Variants in CDKAL1 observed in about 807,000 individuals in gnomAD.
CDKAL1 encodes the protein threonylcarbamoyladenosine tRNA methylthiotransferase.
A neutral mutation model predicts 68.2 loss-of-function variants in CDKAL1; 32 were observed. The ratio of observed to expected loss-of-function variants is 0.47; its 90% confidence interval spans 0.35 to 0.63. The LOEUF is 0.63. CDKAL1 is among the 30% of genes least tolerant of loss of function. The pLI is 0.00. For missense variants in CDKAL1, 606 were observed against 696.7 expected (o/e 0.87, Z 1.47); for synonymous variants, 234 against 244.3 (o/e 0.96, Z 0.39).
intron 13 of CDKAL1, among the ~76,000 whole-genome samples, chr6:21,150,458 T>C (rs1776362618): frequency 6.6e-6 from 1 of 152,180 alleles, no homozygotes; most frequent in Admixed American, 6.5e-5. Flanking sequence ...TGAAGTTTGT[T>C]GTAATGAAAT....
At chr6:20,636,191 G>C (rs896752811) in intron 4 of CDKAL1, among the ~76,000 whole-genome samples, 3 of 152,136 alleles carry the variant, frequency 2.0e-5, no homozygotes, top group African/African-American at 7.2e-5. Flanking sequence ...TCCTGCTTCT[G>C]CTATTTTTCA....
chr6:20,594,997 C>T (rs1765757974), intron 4 of CDKAL1, among the ~76,000 whole-genome samples: 1 of 152,160 alleles, frequency 6.6e-6, no homozygotes, highest in Non-Finnish European at 1.5e-5. Context: ...TGAATATTGG[C>T]CGCCACTCTC....
At chr6:20,873,800 A>G (rs2150547452) in intron 9 of CDKAL1, among the ~76,000 whole-genome samples, 1 of 152,264 alleles carries the variant, frequency 6.6e-6, no homozygotes, top group African/African-American at 2.4e-5. Flanking sequence ...ATATTCTTTG[A>G]GCCTTAAGAA....
At chr6:20,790,618 C>T (rs1775859422) in intron 8 of CDKAL1, among the ~76,000 whole-genome samples, 1 of 152,212 alleles carries the variant, frequency 6.6e-6, no homozygotes, top group South Asian at 2.1e-4. Context: ...GCCCTGCCCA[C>T]TCGGTCCACC....
At chr6:20,941,497 TG>T (rs1397350044) in intron 9 of CDKAL1, among the ~76,000 whole-genome samples, 1 of 152,212 alleles carries the variant, frequency 6.6e-6, no homozygotes, top group Admixed American at 6.5e-5. Context: ...TAAAATGAAG[TG>T]GATAAAGAGT....
chr6:20,966,779 A>G (rs181275389), intron 10 of CDKAL1, among the ~76,000 whole-genome samples: 76 of 152,304 alleles, frequency 5.0e-4, no homozygotes, highest in African/African-American at 1.6e-3. Context: ...TTATTTTGCA[A>G]TGTCATGTGG....
chr6:20,655,001 A>G (rs1768958056), intron 5 of CDKAL1, among the ~76,000 whole-genome samples: 1 of 152,202 alleles, frequency 6.6e-6, no homozygotes, highest in South Asian at 2.1e-4. Flanking sequence ...GGGAGAATTG[A>G]ATCTTCACAA....
At chr6:20,808,802 A>G (rs1776677683) in intron 8 of CDKAL1, among the ~76,000 whole-genome samples, 1 of 152,122 alleles carries the variant, frequency 6.6e-6, no homozygotes, top group African/African-American at 2.4e-5. Flanking sequence ...CAAAATAAGT[A>G]TATTTTTCTA....
chr6:20,816,610 A>G (rs1394426533), intron 8 of CDKAL1, among the ~76,000 whole-genome samples: 1 of 152,186 alleles, frequency 6.6e-6, no homozygotes, highest in Non-Finnish European at 1.5e-5. Context: ...ATTGTATTAT[A>G]TCTCTAAGTG....
At chr6:21,027,745 A>G (rs774257917) in intron 11 of CDKAL1, among the ~76,000 whole-genome samples, 2 of 152,196 alleles carry the variant, frequency 1.3e-5, no homozygotes, top group Non-Finnish European at 2.9e-5. Context: ...AGAGCCAAAT[A>G]AACTTCTGTT....
intron 11 of CDKAL1, among the ~76,000 whole-genome samples, chr6:21,031,464 C>T (rs2150878600): frequency 6.6e-6 from 1 of 152,054 alleles, no homozygotes; most frequent in African/African-American, 2.4e-5. Flanking sequence ...CCCTTCACAG[C>T]AACACCTACA....
intron 10 of CDKAL1, among the ~76,000 whole-genome samples, chr6:20,996,100 C>T (rs1406747879): frequency 6.6e-6 from 1 of 152,244 alleles, no homozygotes; most frequent in African/African-American, 2.4e-5. Context: ...AGTCTCCTCA[C>T]TTCAATCAGC....
At chr6:21,076,261 T>C (rs1033951054) in intron 12 of CDKAL1, among the ~76,000 whole-genome samples, 4 of 152,184 alleles carry the variant, frequency 2.6e-5, no homozygotes, top group Non-Finnish European at 4.4e-5. Flanking sequence ...GGAACAGATA[T>C]TGAATAAAGA....
intron 13 of CDKAL1, among the ~76,000 whole-genome samples, chr6:21,197,050 C>T (rs1441916736): frequency 2.0e-5 from 3 of 151,820 alleles, no homozygotes; most frequent in African/African-American, 4.8e-5. Context: ...CCCAGCTACT[C>T]GGGAGGCTGA....
At chr6:20,678,542 GA>G (rs1770230418) in intron 5 of CDKAL1, among the ~76,000 whole-genome samples, 1 of 152,084 alleles carries the variant, frequency 6.6e-6, no homozygotes, top group Non-Finnish European at 1.5e-5. Context: ...TAGATTCTTG[GA>G]AACACAGTTT....
rs75491731 is a variant in CDKAL1, at chr6:20,824,596, C to T, written c.639-21479C>T. 5.6e-3 allele frequency among the ~76,000 whole-genome samples: 860 copies of T among 152,286 alleles called. 14 individuals are homozygous for T. The highest frequency in any genetic ancestry group is 0.019 in the African/African-American group (793 of 41,568). ...CATGTGGCCTGCTCCATAGGGCAGC[C>T]TACAACATGGCAGCTTCTTCAAAGC... On this transcript the variant is annotated intron_variant, in intron 8 of 15. Coordinates refer to ENST00000274695, the MANE Select transcript of CDKAL1 (RefSeq NM_017774.3).
chr6:20,951,681 G>A (rs576412511), intron 9 of CDKAL1, among the ~76,000 whole-genome samples: 16 of 152,244 alleles, frequency 1.1e-4, no homozygotes, highest in African/African-American at 3.9e-4. Context: ...GCATCAAAAG[G>A]ATGGTGGACG....
rs1562136970 is a variant in CDKAL1 at position 21,232,010 on chromosome 6, T to TTG, written c.*972_*973insGT. 1 of 128,270 alleles carries TTG rather than the reference T, an allele frequency of 7.8e-6. No individual in the cohort carries two copies. Among genetic ancestry groups the TTG allele is most frequent in the Non-Finnish European group, 1.6e-5 (1 of 61,068 alleles). The allele number at this position is 128,270 out of a possible 1,614,324, so 7.9% of individuals were successfully genotyped here. ...CATTGGGGTTTTTTTTTTGTTTTTGTTTTTTTTTTTTTTTGAGTCAAGGTC... is the reference window on the plus strand; with the variant it reads ...CATTGGGGTTTTTTTTTTGTTTTTGTTGTTTTTTTTTTTTTTGAGTCAAGGTC... On this transcript the variant is annotated 3_prime_UTR_variant, in exon 16 of 16. Coordinates refer to ENST00000274695, the MANE Select transcript of CDKAL1 (RefSeq NM_017774.3).
At chr6:20,634,440 T>A (rs576149996) in intron 4 of CDKAL1, among the ~76,000 whole-genome samples, 2 of 152,234 alleles carry the variant, frequency 1.3e-5, no homozygotes, top group Non-Finnish European at 2.9e-5. Context: ...ATGTACAGAT[T>A]ATCTATGACT....
Sources: allele counts gnomAD v4.1 joint callset (sites outside exome capture counted in the v4.1 genomes callset), GRCh38; gene constraint gnomAD v4.1.1; transcripts MANE v1.5; gene names NCBI Gene and HGNC (gene_info 2026-07-23, HGNC 2026-07-21).